BRWD1: variants seen among roughly 807,000 people sequenced by gnomAD.
BRWD1 encodes bromodomain and WD repeat-containing protein 1.
A neutral mutation model predicts 251.2 loss-of-function variants in BRWD1; 82 were observed. That is an observed-to-expected ratio of 0.33 (90% CI 0.27 to 0.39). The LOEUF (loss-of-function observed/expected upper bound fraction) is 0.39. Ranked by LOEUF, BRWD1 falls within the 10% of genes least tolerant of loss-of-function variation. BRWD1 has a pLI of 1.00. For missense variants in BRWD1, 2,233 were observed against 2,711.6 expected, an observed-to-expected ratio of 0.82 and a Z score of 3.92; for synonymous variants, 918 against 902.8, an observed-to-expected ratio of 1.02 and a Z score of -0.30.
chr21:39,272,309 TAAAAAA>T (rs1224051854), intron 13 of BRWD1, among the ~76,000 whole-genome samples: 1 of 132,908 alleles, frequency 7.5e-6, no homozygotes, highest in African/African-American at 2.8e-5. Context: ...CTTAAATAAA[TAAAAAA>T]AAAAAAAAAG....
intron 13 of BRWD1, among the ~76,000 whole-genome samples, chr21:39,272,616 T>C (rs908522585): frequency 6.0e-5 from 9 of 150,852 alleles, no homozygotes; most frequent in Non-Finnish European, 1.3e-4. Context: ...TGCTTTTTTT[T>C]TTTTTTTTTG....
chr21:39,306,066 A>G (rs2146790439), intron 4 of BRWD1, among the ~76,000 whole-genome samples: 1 of 150,708 alleles, frequency 6.6e-6, no homozygotes, highest in Non-Finnish European at 1.5e-5. Flanking sequence ...AGTTATCTTT[A>G]AGTATCTTTT....
At position 39,245,999 on chromosome 21, in the gene BRWD1, T is replaced by C. The variant is rs1294884059; in HGVS notation, c.2481+1702A>G. 2.0e-5 allele frequency among the ~76,000 whole-genome samples: 3 copies of C among 152,206 alleles called. No individual in the cohort carries two copies. In the East Asian group the frequency reaches 5.8e-4, roughly 29 times the overall value. On this transcript the variant is annotated intron_variant, in intron 21 of 40. Coordinates refer to ENST00000342449, the MANE Select transcript of BRWD1 (RefSeq NM_033656.4). ...ATGATTATTAAAAATCAATCAAAGA[T>C]ATTAAACAAAGACTTAGACACAACA...
intron 4 of BRWD1, among the ~76,000 whole-genome samples, chr21:39,311,311 G>A (rs1169048457): frequency 6.6e-6 from 1 of 151,862 alleles, no homozygotes; most frequent in Non-Finnish European, 1.5e-5. Flanking sequence ...GGGACTACAG[G>A]CACGCACCAC....
At chr21:39,223,746 G>T (rs1274361599) in intron 29 of BRWD1, among the ~76,000 whole-genome samples, 1 of 152,194 alleles carries the variant, frequency 6.6e-6, no homozygotes, top group East Asian at 1.9e-4. Context: ...AGGTAAAGCA[G>T]AAGACAGATG....
In BRWD1 at chr21:39,198,885, G is replaced by C. The variant is rs1450221468; in HGVS notation, c.5531C>G (p.Pro1844Arg). The C allele has an allele frequency of 1.2e-6, 2 of 1,614,074 alleles. No homozygotes were observed. The highest frequency in any genetic ancestry group is 4.5e-5 in the East Asian group (2 of 44,878). Residue 1844 changes from proline (P) to arginine (R), a missense_variant, in exon 40 of 41, where the codon CCA (proline) becomes CGA (arginine). By Grantham distance (103) the Pro-to-Arg change is moderately radical. This residue lies in a region of BRWD1 where 928 missense variants were observed against 970.0 expected (regional missense o/e 0.96). Transcript: ENST00000342449. The part of the protein sequence containing the change: ...DGKCHKMEMN[P>R]ISGNLNCDPI... ...GTCACAGTTCAGATTTCCTGAAATT[G>C]GGTTCATTTCCATTTTATGACATTT...
At chr21:39,243,818 T>C (rs1003160797) in intron 21 of BRWD1, among the ~76,000 whole-genome samples, 3 of 152,182 alleles carry the variant, frequency 2.0e-5, no homozygotes, top group Admixed American at 6.5e-5. Context: ...TCAAGAGGCA[T>C]ATGTACAACT....
At position 39,277,296 on chromosome 21, in the gene BRWD1, C is replaced by A; in HGVS notation, c.1059G>T (p.Leu353Phe). ...CGATTTTTTCGGGTGCTTCAAAACC[C>A]AAAAAATACATTCTGATTACATGAT... ...STDHVIRMYF[L>F]GFEAPEKIAE... Residue 353 changes from leucine to phenylalanine, a missense_variant, in exon 11 of 41, where the codon TTG (leucine) becomes TTT (phenylalanine). Leu to Phe is a conservative substitution (Grantham distance 22). Transcript: ENST00000342449. 6.2e-7 allele frequency: 1 copy of A among 1,610,642 alleles called. No individual in the cohort carries two copies. Among genetic ancestry groups the A allele is most frequent in the Non-Finnish European group, 8.5e-7 (1 of 1,178,422 alleles).
intron 29 of BRWD1, among the ~76,000 whole-genome samples, chr21:39,221,090 G>A (rs991769194): frequency 1.3e-5 from 2 of 150,786 alleles, no homozygotes; most frequent in Admixed American, 6.6e-5. Context: ...GGGAGGTGGA[G>A]GTTGCAATGA....
At chr21:39,305,072 G>A (rs1326193143) in intron 4 of BRWD1, among the ~76,000 whole-genome samples, 1 of 146,468 alleles carries the variant, frequency 6.8e-6, no homozygotes. Context: ...CAATTCTCCT[G>A]CCTCAACCTC....
chr21:39,228,205 T>G (rs1396261685), intron 27 of BRWD1, among the ~76,000 whole-genome samples: 5 of 152,094 alleles, frequency 3.3e-5, no homozygotes, highest in African/African-American at 1.2e-4. Flanking sequence ...AGAGAATCGC[T>G]TGAACTTTGG....
chr21:39,313,462 C>A lies in BRWD1; in HGVS notation c.30G>T (p.Pro10=). MAEPSSARR[P]VPLIESELYF... ...TCTTACCCGACTCGATGAGAGGCAC[C>A]GGGCGTCGGGCGGACGACGGCTCCG... The change falls in exon 1 of 41, where the codon CCG becomes CCT. Residue 10 remains proline, a synonymous_variant. Transcript: ENST00000342449. 1 of 1,219,718 alleles carries A rather than the reference C, an allele frequency of 8.2e-7. No individual in the cohort carries two copies. Among genetic ancestry groups the A allele is most frequent in the South Asian group, 1.9e-5 (1 of 51,392 alleles). 75.6% of individuals were successfully genotyped at this position (1,219,718 alleles called of 1,614,324 possible).
upstream of BRWD1, chr21:39,313,992 C>T (rs1038249601): frequency 9.4e-6 from 4 of 425,374 alleles, no homozygotes; most frequent in South Asian, 3.2e-5. Flanking sequence ...ACCGCCGCCC[C>T]CCGTGGGACC....
At chr21:39,280,348 T>TA in intron 8 of BRWD1, 100 bp from the exon 9 acceptor site, 1 of 901,480 alleles carries the variant, frequency 1.1e-6, no homozygotes, top group Non-Finnish European at 1.7e-6. Context: ...TTTCAGGAAA[T>TA]AAACACATGA....
chr21:39,298,311 G>A lies in BRWD1; in HGVS notation c.349+121C>T, dbSNP rs568180305. 8.1e-6 allele frequency: 11 copies of A among 1,361,794 alleles called. No homozygotes were observed. The East Asian group carries it at 3.0e-4, about 37-fold the overall frequency. 84.4% of individuals were successfully genotyped at this position (1,361,794 alleles called of 1,614,324 possible). A position where few individuals can be genotyped will look rare whatever the true frequency, so the allele number is the denominator to read the frequency against. On this transcript the variant is annotated intron_variant, in intron 5 of 40. Coordinates refer to ENST00000342449, the MANE Select transcript of BRWD1 (RefSeq NM_033656.4). ...TATGCTAAATGCAGAGAATTTTATA[G>A]TCCACAGCATGATTTATAGTTACAT...
In BRWD1 at chr21:39,189,392, C is replaced by CA. The variant is rs1390484562; in HGVS notation, c.*6866dup. 36 of 978,254 alleles carry CA rather than the reference C, an allele frequency of 3.7e-5. No individual in the cohort carries two copies. The African/African-American group carries it at 6.0e-4, about 16-fold the overall frequency. The allele number at this position is 978,254 out of a possible 1,614,324, so 60.6% of individuals were successfully genotyped here. On this transcript the variant is annotated 3_prime_UTR_variant, in exon 41 of 41. Transcript: ENST00000342449. ...TGTGTGATCAAAGTACCTATACTGA[C>CA]AATTTAGGAACCTAGTAAATACTAA...
chr21:39,308,994 T>C (rs941825173), intron 4 of BRWD1, among the ~76,000 whole-genome samples: 2 of 151,902 alleles, frequency 1.3e-5, no homozygotes, highest in African/African-American at 2.4e-5. Flanking sequence ...GCCCACATGG[T>C]GAACAGCCGT....
intron 4 of BRWD1, 37 bp downstream of exon 4, chr21:39,312,804 A>T: frequency 6.5e-7 from 1 of 1,528,878 alleles, no homozygotes; most frequent in Non-Finnish European, 8.9e-7. Context: ...GGGGCGGTGC[A>T]CGGAAAACCC....
At chr21:39,231,585 T>TA (rs2146551089) in intron 25 of BRWD1, among the ~76,000 whole-genome samples, 1 of 152,254 alleles carries the variant, frequency 6.6e-6, no homozygotes, top group South Asian at 2.1e-4. Flanking sequence ...ATCACAGAAT[T>TA]AAAAGTTCCA....
Sources: gnomAD v4.1 joint callset for allele counts (sites outside exome capture counted in the v4.1 genomes callset) on GRCh38, gnomAD v4.1.1 for gene constraint, gnomAD v4.1.1 regional missense constraint, MANE v1.5 for transcripts, NCBI Gene and HGNC (gene_info 2026-07-23, HGNC 2026-07-21) for gene names.